Variants in NR3C2 observed in about 807,000 individuals in gnomAD.
NR3C2 encodes nuclear receptor subfamily 3 group C member 2, also known as mineralocorticoid receptor.
Under a neutral mutation model 86.4 loss-of-function variants are expected in NR3C2, and 15 were observed. That is an observed-to-expected ratio of 0.17 (90% CI 0.12 to 0.27). The LOEUF is 0.27. NR3C2 is among the 10% of genes least tolerant of loss of function. NR3C2 has a pLI of 1.00. For missense variants in NR3C2, 960 were observed against 1,195.6 expected (o/e 0.80, Z 2.91); for synonymous variants, 458 against 450.5 (o/e 1.02, Z -0.21).
At chr4:148,422,661 G>A (rs921006102) in intron 2 of NR3C2, among the ~76,000 whole-genome samples, 2 of 152,094 alleles carry the variant, frequency 1.3e-5, no homozygotes, top group Non-Finnish European at 2.9e-5. Flanking sequence ...CCTAGATCTT[G>A]TATGCATATC....
At chr4:148,134,286 C>T (rs6857011) in intron 6 of NR3C2, among the ~76,000 whole-genome samples, 28,759 of 152,146 alleles carry the variant, frequency 0.19, 3,163 homozygotes, top group Middle Eastern at 0.32. Flanking sequence ...CACTATACCA[C>T]CAGTGACATT....
chr4:148,308,473 C>T (rs1742747690), intron 2 of NR3C2, among the ~76,000 whole-genome samples: 1 of 151,446 alleles, frequency 6.6e-6, no homozygotes, highest in Non-Finnish European at 1.5e-5. Flanking sequence ...CAACTTATGA[C>T]AAGGGAACAG....
chr4:148,234,038 G>T (rs1198115554), intron 3 of NR3C2, among the ~76,000 whole-genome samples: 1 of 152,022 alleles, frequency 6.6e-6, no homozygotes, highest in East Asian at 1.9e-4. Context: ...AATAAACTGA[G>T]GTATGCCTAT....
intron 2 of NR3C2, among the ~76,000 whole-genome samples, chr4:148,346,472 T>G (rs974281090): frequency 3.3e-5 from 5 of 151,960 alleles, no homozygotes; most frequent in African/African-American, 1.2e-4. Flanking sequence ...GAGTCTGAAG[T>G]GCTTCCTAGG....
chr4:148,194,806 G>T lies in NR3C2; in HGVS notation c.1954C>A (p.Arg652=). 6.2e-7 allele frequency: 1 copy of T among 1,612,410 alleles called. No individual in the cohort carries two copies. The part of the protein sequence containing the change: ...RNDCIIDKIR[R]KNCPACRLQK... ...AGTCTGCAAGCAGGACAATTCTTTC[G>T]TCGAATCTTATCAATGATGCAATCA... The change falls in exon 4 of 9, where the codon CGA becomes AGA. Residue 652 remains arginine, a synonymous_variant. Transcript: ENST00000358102.
chr4:148,414,790 T>C (rs1748912589), intron 2 of NR3C2, among the ~76,000 whole-genome samples: 1 of 152,186 alleles, frequency 6.6e-6, no homozygotes, highest in Non-Finnish European at 1.5e-5. Flanking sequence ...AAATATTTAG[T>C]TTTTACTATA....
At chr4:148,101,754 T>C (rs1293701666) in intron 8 of NR3C2, among the ~76,000 whole-genome samples, 4 of 152,236 alleles carry the variant, frequency 2.6e-5, no homozygotes, top group Non-Finnish European at 5.9e-5. Context: ...AAAGACATTG[T>C]ATATTCTCTC....
At chr4:148,340,900 C>A (rs1348557565) in intron 2 of NR3C2, among the ~76,000 whole-genome samples, 1 of 151,780 alleles carries the variant, frequency 6.6e-6, no homozygotes, top group Non-Finnish European at 1.5e-5. Flanking sequence ...CAGAGAAATG[C>A]ACATAAAACC....
At chr4:148,139,134 G>C (rs1283981434) in intron 6 of NR3C2, among the ~76,000 whole-genome samples, 2 of 152,192 alleles carry the variant, frequency 1.3e-5, no homozygotes, top group African/African-American at 4.8e-5. Context: ...TGATTGGTTA[G>C]AGTTTCAAAT....
intron 2 of NR3C2, among the ~76,000 whole-genome samples, chr4:148,421,667 A>G (rs551481310): frequency 2.6e-4 from 39 of 152,260 alleles, no homozygotes; most frequent in African/African-American, 9.1e-4. Flanking sequence ...CATTAATTTT[A>G]ACTTGTTTTA....
rs79789823 is a variant in NR3C2, at chr4:148,224,468, C to A, written c.1898-29606G>T. On this transcript the variant is annotated intron_variant, in intron 3 of 8. Transcript: ENST00000358102. ...TCACATAAGTGTGCAGAATGTTTCT[C>A]TCCAGTTAGAACGAGTGAGGCAGCA... is the stretch of plus-strand genomic sequence containing the variant. Among the ~76,000 whole-genome samples, 1,154 of 152,342 alleles carry A rather than the reference C, an allele frequency of 7.6e-3. 10 individuals carry two copies. Among genetic ancestry groups the A allele is most frequent in the African/African-American group, 0.025 (1,029 of 41,574 alleles).
At chr4:148,300,216 G>A (rs1742269767) in intron 2 of NR3C2, among the ~76,000 whole-genome samples, 1 of 152,182 alleles carries the variant, frequency 6.6e-6, no homozygotes, top group Non-Finnish European at 1.5e-5. Flanking sequence ...TTTTGCGATG[G>A]TGGCCCAGGT....
At chr4:148,400,951 A>G (rs1003511885) in intron 2 of NR3C2, among the ~76,000 whole-genome samples, 4 of 152,216 alleles carry the variant, frequency 2.6e-5, no homozygotes, top group African/African-American at 9.6e-5. Context: ...TATATTGTAT[A>G]CATTTAATGT....
intron 4 of NR3C2, among the ~76,000 whole-genome samples, chr4:148,183,196 C>T (rs1735724751): frequency 6.6e-6 from 1 of 152,172 alleles, no homozygotes; most frequent in Non-Finnish European, 1.5e-5. Context: ...GTATATGTGT[C>T]ACATTTTCTT....
chr4:148,198,924 T>C (rs540898530), intron 3 of NR3C2, among the ~76,000 whole-genome samples: 10 of 150,790 alleles, frequency 6.6e-5, no homozygotes, highest in Admixed American at 5.3e-4. Flanking sequence ...ACTAAAAATA[T>C]AAAAAATTAG....
chr4:148,180,067 T>C (rs926206144), intron 4 of NR3C2, among the ~76,000 whole-genome samples: 7 of 151,832 alleles, frequency 4.6e-5, no homozygotes, highest in African/African-American at 1.7e-4. Context: ...AACTACTGCA[T>C]ATCCTGCCTT....
chr4:148,136,414 C>G (rs1381528041), intron 6 of NR3C2, among the ~76,000 whole-genome samples: 1 of 151,844 alleles, frequency 6.6e-6, no homozygotes, highest in East Asian at 1.9e-4. Flanking sequence ...GACACAGCCC[C>G]CTCCCTCTGA....
chr4:148,378,236 T>G (rs985292837), intron 2 of NR3C2, among the ~76,000 whole-genome samples: 1 of 152,062 alleles, frequency 6.6e-6, no homozygotes, highest in African/African-American at 2.4e-5. Context: ...CCCTTCAGAC[T>G]AGCAAAAAAT....
At chr4:148,227,659 C>T (rs1351217624) in intron 3 of NR3C2, among the ~76,000 whole-genome samples, 2 of 151,950 alleles carry the variant, frequency 1.3e-5, no homozygotes, top group Non-Finnish European at 2.9e-5. Context: ...GTAAGCTGTC[C>T]CTTTTTCACC....
Sources: allele counts gnomAD v4.1 joint callset (sites outside exome capture counted in the v4.1 genomes callset), GRCh38; gene constraint gnomAD v4.1.1; transcripts MANE v1.5; gene names NCBI Gene and HGNC (gene_info 2026-07-23, HGNC 2026-07-21).